ELOVL4: variants seen among roughly 807,000 people sequenced by gnomAD.
ELOVL4 encodes very long chain fatty acid elongase 4.
In ELOVL4, 18 loss-of-function variants were observed where a neutral mutation model predicts 42.1. That is an observed-to-expected ratio of 0.43 (90% CI 0.30 to 0.63). The LOEUF (loss-of-function observed/expected upper bound fraction) is 0.63. Among genes scored for constraint, ELOVL4 ranks in the 30% least tolerant of loss-of-function variants. ELOVL4 has a pLI of 0.15. For missense variants in ELOVL4, 299 were observed against 376.2 expected (o/e 0.79, Z 1.70); for synonymous variants, 117 against 127.0 (o/e 0.92, Z 0.53).
At chr6:79,932,595 A>G (rs1774467108) in intron 1 of ELOVL4, among the ~76,000 whole-genome samples, 1 of 152,030 alleles carries the variant, frequency 6.6e-6, no homozygotes. Flanking sequence ...TTTCCCTTGA[A>G]TATCTTCCAC....
chr6:79,932,525 C>G lies in ELOVL4; in HGVS notation c.101-6144G>C, dbSNP rs1774465323. ...ACGCACTGCACTCCAGCCTGGGTGA[C>G]AGAGAGAGAGAGAGAGACTCCTTCT... On this transcript the variant is annotated intron_variant, in intron 1 of 5. Transcript: ENST00000369816. Among the ~76,000 whole-genome samples, 13 of 146,420 alleles carry G rather than the reference C, an allele frequency of 8.9e-5. No homozygotes were observed. In the Admixed American group the frequency reaches 8.9e-4, roughly 10 times the overall value.
intron 3 of ELOVL4, among the ~76,000 whole-genome samples, chr6:79,922,759 T>C (rs1425531707): frequency 6.6e-6 from 1 of 152,194 alleles, no homozygotes; most frequent in African/African-American, 2.4e-5. Context: ...GCACCTGGTA[T>C]ATGTCATGAG....
intron 1 of ELOVL4, among the ~76,000 whole-genome samples, chr6:79,928,741 T>G (rs1412786935): frequency 7.0e-6 from 1 of 142,508 alleles, no homozygotes; most frequent in Non-Finnish European, 1.5e-5. Context: ...TTTTTTTTTT[T>G]TTTTTTTTTT....
chr6:79,941,128 T>G (rs2127702229), intron 1 of ELOVL4, among the ~76,000 whole-genome samples: 1 of 152,346 alleles, frequency 6.6e-6, no homozygotes, highest in East Asian at 1.9e-4. Flanking sequence ...TGTATATTTA[T>G]TTGAAATTGC....
Position 79,947,150 on chromosome 6 carries a change from G to A in ELOVL4, c.100+30C>T, listed in dbSNP as rs538170829. ...GGCCGGTGACCCCCCGCGGGGGACC[G>A]AGCGAGGATGGGGAAGTCAGCGGCT... is the stretch of plus-strand genomic sequence containing the variant. On this transcript the variant is annotated intron_variant, in intron 1 of 5. Transcript: ENST00000369816. 3.7e-5 allele frequency: 58 copies of A among 1,584,244 alleles called. No individual in the cohort carries two copies. The South Asian group carries it at 5.0e-4, about 14-fold the overall frequency.
At position 79,915,327 on chromosome 6, in the gene ELOVL4, T is replaced by G. The variant is rs1774138421; in HGVS notation, c.*1281A>C. On this transcript the variant is annotated 3_prime_UTR_variant, in exon 6 of 6. Transcript: ENST00000369816. The stretch of plus-strand genomic sequence containing the variant: ...GTAAATAGCAAATTGAATGTTATAG[T>G]TCTGACTACTCTCACTTTTATTCAT... 1 of 152,594 alleles carries G rather than the reference T, an allele frequency of 6.6e-6. No individual in the cohort carries two copies. 9.5% of individuals were successfully genotyped at this position (152,594 alleles called of 1,614,324 possible).
rs931096443 is a variant in ELOVL4, at chr6:79,927,595, AAC to A, written c.101-1216_101-1215del. 4.0e-4 allele frequency among the ~76,000 whole-genome samples: 61 copies of A among 152,332 alleles called. 2 individuals are homozygous for A. The highest frequency in any genetic ancestry group is 1.2e-3 in the African/African-American group (48 of 41,584). On this transcript the variant is annotated intron_variant, in intron 1 of 5. Coordinates refer to ENST00000369816, the MANE Select transcript of ELOVL4 (RefSeq NM_022726.4). The stretch of plus-strand genomic sequence containing the variant: ...ATAGACAGTAAGATACAAGATACGA[AAC>A]ACAATATTTAATCAAACAATTTGCA...
chr6:79,938,229 G>A (rs1774580816), intron 1 of ELOVL4, among the ~76,000 whole-genome samples: 1 of 152,166 alleles, frequency 6.6e-6, no homozygotes, highest in South Asian at 2.1e-4. Context: ...GGGCTTCTCA[G>A]AAAAAGTAGT....
intron 1 of ELOVL4, 114 bp from the exon 2 acceptor site, chr6:79,926,495 T>C: frequency 9.6e-7 from 1 of 1,041,364 alleles, no homozygotes; most frequent in South Asian, 1.5e-5. Flanking sequence ...TAAATACGGA[T>C]CACTGTCCTT....
intron 2 of ELOVL4, among the ~76,000 whole-genome samples, chr6:79,925,429 T>C (rs1034481003): frequency 2.6e-5 from 4 of 152,208 alleles, no homozygotes; most frequent in African/African-American, 9.6e-5. Context: ...TTCATGAAGT[T>C]GAGACTCGAG....
Position 79,915,482 on chromosome 6 carries a change from T to C in ELOVL4, c.*1126A>G, listed in dbSNP as rs1346346545. 6.6e-6 allele frequency: 1 copy of C among 152,548 alleles called. No homozygotes were observed. Among genetic ancestry groups the C allele is most frequent in the Non-Finnish European group, 1.5e-5 (1 of 67,992 alleles). The allele number at this position is 152,548 out of a possible 1,614,324, so 9.4% of individuals were successfully genotyped here. A position where few individuals can be genotyped will look rare whatever the true frequency, so the allele number is the denominator to read the frequency against. On this transcript the variant is annotated 3_prime_UTR_variant, in exon 6 of 6. Transcript: ENST00000369816. The stretch of plus-strand genomic sequence containing the variant: ...AGTTAATAAATAAGATCTTGCAACT[T>C]AGTCACAAGGAAAACGTTACTCCAA...
At chr6:79,943,176 T>A (rs140820818) in intron 1 of ELOVL4, among the ~76,000 whole-genome samples, 2,495 of 152,230 alleles carry the variant, frequency 0.016, 29 homozygotes, top group South Asian at 0.038. Context: ...AATAATAAAA[T>A]TAATGTAAGC....
At chr6:79,929,033 G>A (rs1294382420) in intron 1 of ELOVL4, among the ~76,000 whole-genome samples, 1 of 151,936 alleles carries the variant, frequency 6.6e-6, no homozygotes, top group African/African-American at 2.4e-5. Context: ...TTCTAACACT[G>A]GCTCTGCTAC....
Position 79,916,830 on chromosome 6 carries a change from G to A in ELOVL4, c.723C>T (p.Cys241=), listed in dbSNP as rs2127697605. The A allele has an allele frequency of 1.2e-6, 2 of 1,614,158 alleles. No homozygotes were observed. Among genetic ancestry groups the A allele is most frequent in the Non-Finnish European group, 1.7e-6 (2 of 1,180,016 alleles). Residue 241 remains cysteine, a synonymous_variant, in exon 6 of 6, where the codon TGC becomes TGT. Transcript: ENST00000369816. ...GHTALSLYTD[C]PFPKWMHWAL... Reference sequence around the variant, plus strand: ...CCCAGTGCATCCATTTGGGGAAGGGGCAGTCAGTGTAAAGAGACAGTGCCG... The same window carrying A: ...CCCAGTGCATCCATTTGGGGAAGGGACAGTCAGTGTAAAGAGACAGTGCCG...
intron 1 of ELOVL4, among the ~76,000 whole-genome samples, chr6:79,935,935 C>G (rs1365731024): frequency 6.6e-6 from 1 of 152,150 alleles, no homozygotes; most frequent in Non-Finnish European, 1.5e-5. Context: ...TGCAGAATCT[C>G]AGGCCTCACC....
At chr6:79,943,076 T>C (rs569532158) in intron 1 of ELOVL4, among the ~76,000 whole-genome samples, 1 of 151,842 alleles carries the variant, frequency 6.6e-6, no homozygotes, top group Middle Eastern at 3.4e-3. Flanking sequence ...AAAGAAACAT[T>C]CAAAGAAAAC....
intron 1 of ELOVL4, among the ~76,000 whole-genome samples, chr6:79,940,628 T>C (rs947227983): frequency 6.6e-6 from 1 of 152,204 alleles, no homozygotes; most frequent in Non-Finnish European, 1.5e-5. Context: ...GCTGCTGTTT[T>C]AGGAGATGTT....
At chr6:79,929,303 C>T (rs150631952) in intron 1 of ELOVL4, among the ~76,000 whole-genome samples, 77 of 152,136 alleles carry the variant, frequency 5.1e-4, no homozygotes, top group Non-Finnish European at 7.1e-4. Flanking sequence ...TAAAGTAGCA[C>T]GATCTCCGTC....
intron 1 of ELOVL4, among the ~76,000 whole-genome samples, chr6:79,936,579 C>T (rs1232105873): frequency 1.3e-5 from 2 of 152,132 alleles, no homozygotes; most frequent in Non-Finnish European, 2.9e-5. Flanking sequence ...TAAGAGTCTT[C>T]AAAACATTTG....
Sources: allele counts gnomAD v4.1 joint callset (sites outside exome capture counted in the v4.1 genomes callset), GRCh38; gene constraint gnomAD v4.1.1; transcripts MANE v1.5; gene names NCBI Gene and HGNC (gene_info 2026-07-23, HGNC 2026-07-21).